Variants in PCDHGA5 observed in about 807,000 individuals in gnomAD.
PCDHGA5 encodes the protein protocadherin gamma subfamily A, 5.
In PCDHGA5, 36 loss-of-function variants were observed where a neutral mutation model predicts 56.7. The ratio of observed to expected loss-of-function variants is 0.64; its 90% CI spans 0.49 to 0.84. PCDHGA5 has a LOEUF of 0.84. Ranked by LOEUF, PCDHGA5 falls within the 40% of genes least tolerant of loss-of-function variation. The probability of loss-of-function intolerance (pLI) is 0.00; values close to 1 mark genes in which losing one functional copy is unlikely to be tolerated. For missense variants in PCDHGA5, 1,305 were observed against 1,201.5 expected (o/e 1.09, Z -1.27); for synonymous variants, 563 against 520.2 (o/e 1.08, Z -1.12).
chr5:141,376,360 C>A lies in PCDHGA5; in HGVS notation c.2421+9609C>A, dbSNP rs1772602166. The stretch of plus-strand genomic sequence containing the variant: ...AGACCTATTCCCACGAGGTCTCACT[C>A]ACTGCAGACTCGCGTAAGAGTCATC... On this transcript the variant is annotated intron_variant, in intron 1 of 3. Transcript: ENST00000518069. 5 of 1,614,236 alleles carry A rather than the reference C, an allele frequency of 3.1e-6. No homozygotes were observed. In the African/African-American group the frequency reaches 6.7e-5, roughly 22 times the overall value.
intron 1 of PCDHGA5, chr5:141,420,085 C>T: frequency 1.2e-6 from 2 of 1,614,028 alleles, no homozygotes; most frequent in Middle Eastern, 1.6e-4. Context: ...GTCCCCCCAA[C>T]TACAGTGAGG....
At chr5:141,393,792 C>A (rs757880855) in intron 1 of PCDHGA5, 1 of 1,613,908 alleles carries the variant, frequency 6.2e-7, no homozygotes, top group Non-Finnish European at 8.5e-7. Flanking sequence ...TGTGGGGGCA[C>A]TTCTGGGGAG....
In PCDHGA5 at chr5:141,510,272, T is replaced by TAAA. The variant is rs546154379; in HGVS notation, c.2570-658_2570-656dup. 1.5e-3 allele frequency among the ~76,000 whole-genome samples: 198 copies of TAAA among 130,372 alleles called. 1 individual carries two copies. Among genetic ancestry groups the TAAA allele is most frequent in the Non-Finnish European group, 2.8e-3 (172 of 61,058 alleles). The allele number at this position is 130,372 out of a possible 152,430, so 85.5% of individuals were successfully genotyped here. ...TGGGCGACAGAGCAGGACTCCATCTTAAAAAAAAAAAAAAAAAAATGCTGT... is the reference window on the plus strand; with the variant it reads ...TGGGCGACAGAGCAGGACTCCATCTTAAAAAAAAAAAAAAAAAAAAAATGCTGT... On this transcript the variant is annotated intron_variant, in intron 3 of 3. Coordinates refer to ENST00000518069, the MANE Select transcript of PCDHGA5 (RefSeq NM_018918.3).
chr5:141,390,300 T>C, intron 1 of PCDHGA5: 2 of 1,613,822 alleles, frequency 1.2e-6, no homozygotes, highest in Non-Finnish European at 1.7e-6. Flanking sequence ...CCTTTAAGTA[T>C]AATTTAATGC....
At chr5:141,475,959 A>T (rs963363028) in intron 1 of PCDHGA5, 15 of 817,720 alleles carry the variant, frequency 1.8e-5, no homozygotes, top group East Asian at 2.6e-5. Context: ...GCGCCCCGGG[A>T]TGAGGCAGAG....
At chr5:141,473,401 T>G (rs1285517100) in intron 1 of PCDHGA5, among the ~76,000 whole-genome samples, 3 of 152,222 alleles carry the variant, frequency 2.0e-5, no homozygotes. Context: ...GCTTCTTTTT[T>G]TCTTCTTCAG....
At position 141,493,774 on chromosome 5, in the gene PCDHGA5, C is replaced by T. The variant is rs2099749996; in HGVS notation, c.2422-1033C>T. On this transcript the variant is annotated intron_variant, in intron 1 of 3. Coordinates refer to ENST00000518069, the MANE Select transcript of PCDHGA5 (RefSeq NM_018918.3). The surrounding 1 kb of genome is among the most constrained non-coding windows in gnomAD (Gnocchi z 4.3). ...GCCTTGAGTGAGCCACTGGCAGTTC[C>T]GGAGCTTCCTTCTCCCTGGAGTAAT... Among the ~76,000 whole-genome samples, 1 of 152,258 alleles carries T rather than the reference C, an allele frequency of 6.6e-6. No homozygotes were observed. The highest frequency in any genetic ancestry group is 1.9e-4 in the East Asian group (1 of 5,176).
chr5:141,422,908 C>G, intron 1 of PCDHGA5: 1 of 1,614,244 alleles, frequency 6.2e-7, no homozygotes, highest in Non-Finnish European at 8.5e-7. Flanking sequence ...CGACAATGCG[C>G]CCGAGATCCT....
rs1281337319 is a variant in PCDHGA5, at chr5:141,393,186, G to A, written c.2421+26435G>A. ...CTTTGGGGTAGAAATAGAAATAATT[G>A]ATATTAACGATAATAACCCAAAATT... On this transcript the variant is annotated intron_variant, in intron 1 of 3. Transcript: ENST00000518069. 1.2e-6 allele frequency: 2 copies of A among 1,613,188 alleles called. No homozygotes were observed. The highest frequency in any genetic ancestry group is 3.3e-5 in the Admixed American group (2 of 59,998).
chr5:141,370,405 G>T, intron 1 of PCDHGA5: 3 of 1,559,818 alleles, frequency 1.9e-6, no homozygotes, highest in Non-Finnish European at 2.6e-6. Flanking sequence ...ATGGGAAATA[G>T]CTCCGGATGG....
intron 1 of PCDHGA5, among the ~76,000 whole-genome samples, chr5:141,467,361 G>A (rs555435172): frequency 1.3e-5 from 2 of 151,860 alleles, no homozygotes; most frequent in South Asian, 4.2e-4. Context: ...CCAAATCAAC[G>A]TTTTCTTATA....
At chr5:141,420,254 G>C (rs186977117) in intron 1 of PCDHGA5, 3 of 1,569,172 alleles carry the variant, frequency 1.9e-6, no homozygotes, top group Admixed American at 3.8e-5. Context: ...CGTTGAAGCA[G>C]ATAAGAAGAT....
chr5:141,375,314 G>T, intron 1 of PCDHGA5: 2 of 1,613,798 alleles, frequency 1.2e-6, no homozygotes, highest in Non-Finnish European at 1.7e-6. Flanking sequence ...TGCAGCTCTA[G>T]ACCGGGAAGA....
intron 1 of PCDHGA5, among the ~76,000 whole-genome samples, chr5:141,449,929 T>C (rs2098659723): frequency 6.6e-6 from 1 of 151,912 alleles, no homozygotes; most frequent in Non-Finnish European, 1.5e-5. Context: ...TACCATACCT[T>C]ATAGTATATT....
At chr5:141,427,100 T>G (rs1270371842) in intron 1 of PCDHGA5, 1 of 458,010 alleles carries the variant, frequency 2.2e-6, no homozygotes, top group Non-Finnish European at 4.4e-6. Flanking sequence ...AGGGTGTCAA[T>G]GCGGAGATCA....
intron 1 of PCDHGA5, among the ~76,000 whole-genome samples, chr5:141,463,135 C>T (rs1352400365): frequency 6.6e-6 from 1 of 152,246 alleles, no homozygotes; most frequent in Middle Eastern, 3.4e-3. Context: ...GGCAGTTCTT[C>T]GCCCAGCTGC....
intron 1 of PCDHGA5, among the ~76,000 whole-genome samples, chr5:141,420,742 A>T (rs967908996): frequency 6.6e-6 from 1 of 152,254 alleles, no homozygotes; most frequent in African/African-American, 2.4e-5. Flanking sequence ...AATCAATTGG[A>T]ACCAACTACA....
intron 1 of PCDHGA5, chr5:141,415,868 G>A: frequency 9.2e-7 from 1 of 1,090,360 alleles, no homozygotes; most frequent in Non-Finnish European, 1.2e-6. Flanking sequence ...TTATAGTGTT[G>A]TTGAGTACAA....
At position 141,418,573 on chromosome 5, in the gene PCDHGA5, C is replaced by A. The variant is rs749104686; in HGVS notation, c.2421+51822C>A. 5.0e-6 allele frequency: 8 copies of A among 1,613,826 alleles called. No individual in the cohort carries two copies. The South Asian group carries it at 5.5e-5, about 11-fold the overall frequency. Reference sequence around the variant, plus strand: ...TCCTGGTAATAGATGCCAATGACAACCCCCCAGTGTTCAGCCAGGACGTGT... The same window carrying A: ...TCCTGGTAATAGATGCCAATGACAAACCCCCAGTGTTCAGCCAGGACGTGT... On this transcript the variant is annotated intron_variant, in intron 1 of 3. Transcript: ENST00000518069.
Sources: allele counts gnomAD v4.1 joint callset (sites outside exome capture counted in the v4.1 genomes callset), GRCh38; gene constraint gnomAD v4.1.1; non-coding constraint Gnocchi (gnomAD v3.1); transcripts MANE v1.5; gene names NCBI Gene and HGNC (gene_info 2026-07-23, HGNC 2026-07-21).